ZZZ3: variants seen among roughly 807,000 people sequenced by gnomAD.
The protein encoded by ZZZ3 is ZZ-type zinc finger-containing protein 3.
Under a neutral mutation model 95.2 loss-of-function variants are expected in ZZZ3, and 22 were observed. That is an observed-to-expected ratio of 0.23 (90% CI 0.17 to 0.33). ZZZ3 has a LOEUF of 0.33. Ranked by LOEUF, ZZZ3 falls within the 10% of genes least tolerant of loss-of-function variation. The probability of loss-of-function intolerance (pLI) is 1.00; values close to 1 mark genes in which losing one functional copy is unlikely to be tolerated. For missense variants in ZZZ3, 885 were observed against 1,066.5 expected (o/e 0.83, Z 2.37); for synonymous variants, 335 against 358.9 (o/e 0.93, Z 0.75).
At chr1:77,583,430 C>T (rs1570426407) in intron 6 of ZZZ3, among the ~76,000 whole-genome samples, 1 of 151,902 alleles carries the variant, frequency 6.6e-6, no homozygotes, top group Admixed American at 6.6e-5. Flanking sequence ...CTTAAAGGGG[C>T]CTCATTTTAA....
intron 5 of ZZZ3, among the ~76,000 whole-genome samples, chr1:77,592,592 G>A (rs1002010284): frequency 3.9e-5 from 6 of 152,062 alleles, no homozygotes; most frequent in Admixed American, 1.3e-4. Flanking sequence ...GTGAACAACC[G>A]TGCCCAGCCT....
chr1:77,668,513 T>C (rs1373177046), intron 1 of ZZZ3, among the ~76,000 whole-genome samples: 1 of 152,146 alleles, frequency 6.6e-6, no homozygotes, highest in Non-Finnish European at 1.5e-5. Flanking sequence ...ATACTCTCTA[T>C]ATAAGTAGAA....
chr1:77,658,592 G>T (rs1670504920), intron 1 of ZZZ3, among the ~76,000 whole-genome samples: 1 of 150,266 alleles, frequency 6.7e-6, no homozygotes, highest in South Asian at 2.1e-4. Context: ...TCCAACTCCT[G>T]GGCTCAAGCG....
chr1:77,610,588 A>G (rs529743408), intron 5 of ZZZ3, among the ~76,000 whole-genome samples: 1 of 152,086 alleles, frequency 6.6e-6, no homozygotes, highest in South Asian at 2.1e-4. Context: ...ACAAAATTCA[A>G]CAATACATTA....
chr1:77,675,337 A>T (rs1672160612), intron 1 of ZZZ3, among the ~76,000 whole-genome samples: 1 of 149,684 alleles, frequency 6.7e-6, no homozygotes, highest in Non-Finnish European at 1.5e-5. Flanking sequence ...CTGACCAATT[A>T]AAAAAAAAAC....
At position 77,641,649 on chromosome 1, in the gene ZZZ3, T is replaced by C. The variant is rs940955106; in HGVS notation, c.-396A>G. 1.3e-5 allele frequency: 5 copies of C among 397,840 alleles called. No individual in the cohort carries two copies. Among genetic ancestry groups the C allele is most frequent in the African/African-American group, 6.2e-5 (3 of 48,608 alleles). 24.6% of individuals were successfully genotyped at this position (397,840 alleles called of 1,614,324 possible). A position where few individuals can be genotyped will look rare whatever the true frequency, so the allele number is the denominator to read the frequency against. ...ATTTATATGGTTGTACTAGAATAAC[T>C]TGATATCTGTGAAGAGAAACCATAA... On this transcript the variant is annotated 5_prime_UTR_variant, in exon 2 of 15. Coordinates refer to ENST00000370801, the MANE Select transcript of ZZZ3 (RefSeq NM_015534.6).
At chr1:77,586,487 T>C (rs1663091906) in intron 5 of ZZZ3, among the ~76,000 whole-genome samples, 1 of 152,232 alleles carries the variant, frequency 6.6e-6, no homozygotes, top group Non-Finnish European at 1.5e-5. Flanking sequence ...AGCCGTCTTT[T>C]TGTTAGGTTT....
At chr1:77,648,490 T>C (rs1051226396) in intron 1 of ZZZ3, among the ~76,000 whole-genome samples, 1 of 152,140 alleles carries the variant, frequency 6.6e-6, no homozygotes, top group Non-Finnish European at 1.5e-5. Flanking sequence ...AGTTCTTATG[T>C]TCAAAGCAGT....
chr1:77,644,847 A>G (rs1185724909), intron 1 of ZZZ3, among the ~76,000 whole-genome samples: 2 of 152,340 alleles, frequency 1.3e-5, no homozygotes, highest in East Asian at 1.9e-4. Context: ...TTCATTTTCA[A>G]TTAAGCACTT....
intron 4 of ZZZ3, among the ~76,000 whole-genome samples, chr1:77,637,810 T>C (rs994829211): frequency 3.9e-5 from 6 of 152,194 alleles, no homozygotes; most frequent in African/African-American, 1.4e-4. Flanking sequence ...TAAAGAAGCT[T>C]AGAGTACAAA....
At chr1:77,602,065 G>A (rs1570472878) in intron 5 of ZZZ3, among the ~76,000 whole-genome samples, 2 of 152,206 alleles carry the variant, frequency 1.3e-5, no homozygotes, top group African/African-American at 4.8e-5. Flanking sequence ...AGCTACGTAA[G>A]AGAAACATGG....
At chr1:77,619,130 T>C (rs1448597670) in intron 5 of ZZZ3, among the ~76,000 whole-genome samples, 1 of 152,206 alleles carries the variant, frequency 6.6e-6, no homozygotes, top group Non-Finnish European at 1.5e-5. Context: ...ACCTATTCTA[T>C]GAAACAATCC....
intron 1 of ZZZ3, among the ~76,000 whole-genome samples, chr1:77,674,728 G>C (rs1258080657): frequency 6.6e-6 from 1 of 152,082 alleles, no homozygotes; most frequent in Non-Finnish European, 1.5e-5. Context: ...GAGGTGGGCA[G>C]ATCACTTGAG....
At chr1:77,621,267 A>C (rs1666824888) in intron 5 of ZZZ3, among the ~76,000 whole-genome samples, 1 of 151,892 alleles carries the variant, frequency 6.6e-6, no homozygotes. Flanking sequence ...ATCACTTGAC[A>C]CCCAAAGTTC....
chr1:77,627,638 T>C (rs1475192797), intron 5 of ZZZ3, among the ~76,000 whole-genome samples: 2 of 152,190 alleles, frequency 1.3e-5, no homozygotes, highest in African/African-American at 2.4e-5. Context: ...TTAACACAAT[T>C]CTTAGAAACT....
chr1:77,611,860 C>T (rs535183366), intron 5 of ZZZ3, among the ~76,000 whole-genome samples: 17 of 151,772 alleles, frequency 1.1e-4, no homozygotes, highest in Non-Finnish European at 2.2e-4. Context: ...AATATAAGAC[C>T]CAAAACCATA....
chr1:77,653,900 G>A (rs1229764939), intron 1 of ZZZ3, among the ~76,000 whole-genome samples: 3 of 151,924 alleles, frequency 2.0e-5, no homozygotes, highest in Non-Finnish European at 4.4e-5. Context: ...TAAAGAAAGT[G>A]AAGCTAGGCC....
intron 5 of ZZZ3, among the ~76,000 whole-genome samples, chr1:77,630,451 T>C (rs775475069): frequency 7.0e-4 from 107 of 152,172 alleles, no homozygotes; most frequent in Non-Finnish European, 1.3e-3. Context: ...TACTCAAGCC[T>C]GGGCAACAAG....
intron 5 of ZZZ3, among the ~76,000 whole-genome samples, chr1:77,621,233 C>G (rs1397145126): frequency 1.3e-5 from 2 of 151,954 alleles, no homozygotes; most frequent in Non-Finnish European, 2.9e-5. Flanking sequence ...TGGCTCGTAA[C>G]TGTAATCCCA....
Sources: allele counts gnomAD v4.1 joint callset (sites outside exome capture counted in the v4.1 genomes callset), GRCh38; gene constraint gnomAD v4.1.1; transcripts MANE v1.5; gene names NCBI Gene and HGNC (gene_info 2026-07-23, HGNC 2026-07-21).